DBT: variants seen among roughly 807,000 people sequenced by gnomAD.
The protein encoded by DBT is lipoamide acyltransferase component of branched-chain alpha-keto acid dehydrogenase complex, mitochondrial.
In DBT, 40 loss-of-function variants were observed where a neutral mutation model predicts 51.3. That is an observed-to-expected ratio of 0.78 (90% CI 0.61 to 1.02). The LOEUF is 1.02. Ranked by LOEUF, DBT falls within the 50% of genes least tolerant of loss-of-function variation. The probability of loss-of-function intolerance (pLI) is 0.00; values close to 1 mark genes in which losing one functional copy is unlikely to be tolerated. For synonymous variants in DBT, 181 were observed against 190.4 expected (o/e 0.95, Z 0.41); for missense variants, 510 against 580.2 (o/e 0.88, Z 1.24).
chr1:100,226,341 T>C (rs1332680203), intron 4 of DBT, among the ~76,000 whole-genome samples: 1 of 144,910 alleles, frequency 6.9e-6, no homozygotes, highest in Non-Finnish European at 1.5e-5. Context: ...TAGAGTGCAG[T>C]GGCATTAACA....
intron 4 of DBT, among the ~76,000 whole-genome samples, chr1:100,225,543 C>T (rs1663145851): frequency 6.6e-6 from 1 of 151,848 alleles, no homozygotes; most frequent in South Asian, 2.1e-4. Context: ...ACAAAACCAG[C>T]ACCAGGTGTG....
At chr1:100,216,797 A>G (rs1055334372) in intron 5 of DBT, among the ~76,000 whole-genome samples, 10 of 152,146 alleles carry the variant, frequency 6.6e-5, no homozygotes, top group African/African-American at 2.4e-4. Flanking sequence ...CAAATTAGTT[A>G]TTTTTCTGGT....
At chr1:100,233,893 G>T (rs1663699684) in intron 3 of DBT, among the ~76,000 whole-genome samples, 1 of 152,212 alleles carries the variant, frequency 6.6e-6, no homozygotes, top group Non-Finnish European at 1.5e-5. Flanking sequence ...TAAGGAAGAG[G>T]AACAGCCTAC....
At chr1:100,235,552 C>G (rs1210444346) in intron 2 of DBT, 41 bp from the exon 3 acceptor site, 2 of 1,048,134 alleles carry the variant, frequency 1.9e-6, no homozygotes, top group Admixed American at 3.4e-5. Flanking sequence ...AAGTATATAA[C>G]ATATTACTAA....
chr1:100,213,301 C>T, intron 7 of DBT: 11 of 1,475,794 alleles, frequency 7.5e-6, no homozygotes, highest in Non-Finnish European at 9.8e-6. Context: ...CCATGGACCA[C>T]AAGACTCTGC....
chr1:100,213,303 A>G, intron 7 of DBT: 3 of 1,478,466 alleles, frequency 2.0e-6, no homozygotes, highest in South Asian at 1.3e-5. Context: ...ATGGACCACA[A>G]GACTCTGCTG....
In DBT at chr1:100,249,832, A is replaced by G; in HGVS notation, c.-12T>C. 1.2e-6 allele frequency: 2 copies of G among 1,614,076 alleles called. No homozygotes were observed. Among genetic ancestry groups the G allele is most frequent in the Non-Finnish European group, 1.7e-6 (2 of 1,179,920 alleles). On this transcript the variant is annotated 5_prime_UTR_variant, in exon 1 of 11. Coordinates refer to ENST00000370132, the MANE Select transcript of DBT (RefSeq NM_001918.5). ...CGGACTGCAGCCATCTTACCCCGGAAATGACAACAGTGCCGCAAACTGGAG... is the reference window on the plus strand; with the variant it reads ...CGGACTGCAGCCATCTTACCCCGGAGATGACAACAGTGCCGCAAACTGGAG...
At position 100,202,275 on chromosome 1, in the gene DBT, A is replaced by G. The variant is rs185010946; in HGVS notation, c.1281+3955T>C. On this transcript the variant is annotated intron_variant, in intron 10 of 10. Transcript: ENST00000370132. ...AGGGGTTGCAATCCTAGTCTCTGATAAAACAGACTTTAAACCAACAAAGAT... is the reference window on the plus strand; with the variant it reads ...AGGGGTTGCAATCCTAGTCTCTGATGAAACAGACTTTAAACCAACAAAGAT... 6.7e-4 allele frequency among the ~76,000 whole-genome samples: 102 copies of G among 152,340 alleles called. 1 individual carries two copies. The highest frequency in any genetic ancestry group is 2.4e-3 in the African/African-American group (99 of 41,576).
intron 4 of DBT, among the ~76,000 whole-genome samples, chr1:100,219,582 C>T (rs941445293): frequency 1.3e-5 from 2 of 151,738 alleles, no homozygotes; most frequent in African/African-American, 4.8e-5. Context: ...CCTATCTCTA[C>T]AAGTGAATTT....
intron 7 of DBT, 58 bp from the exon 8 acceptor site, chr1:100,210,829 T>A: frequency 6.2e-7 from 1 of 1,601,526 alleles, no homozygotes; most frequent in Non-Finnish European, 8.6e-7. Flanking sequence ...GGATAGAGAA[T>A]TTGAAACAAT....
intron 4 of DBT, among the ~76,000 whole-genome samples, chr1:100,225,052 T>TATATACAC (rs1185819980): frequency 3.8e-5 from 3 of 79,034 alleles, no homozygotes; most frequent in African/African-American, 1.5e-4. Flanking sequence ...AATATATATA[T>TATATACAC]ACACACACAC....
At position 100,189,500 on chromosome 1, in the gene DBT, G is replaced by T. The variant is rs1442989805; in HGVS notation, c.*6755C>A. ...CTGAGTCATTTGATGACCTTGAAATGCTAAAGCATTGGAATGAATGTCTGT... is the reference window on the plus strand; with the variant it reads ...CTGAGTCATTTGATGACCTTGAAATTCTAAAGCATTGGAATGAATGTCTGT... On this transcript the variant is annotated 3_prime_UTR_variant, in exon 11 of 11. Coordinates refer to ENST00000370132, the MANE Select transcript of DBT (RefSeq NM_001918.5). 1 of 152,170 alleles carries T rather than the reference G, an allele frequency of 6.6e-6. No individual in the cohort carries two copies. The highest frequency in any genetic ancestry group is 2.4e-5 in the African/African-American group (1 of 41,416). The allele number at this position is 152,170 out of a possible 1,614,324, so 9.4% of individuals were successfully genotyped here.
Position 100,188,173 on chromosome 1 carries a change from T to C in DBT, c.*8082A>G, listed in dbSNP as rs1660655672. The C allele has an allele frequency of 6.6e-6, 1 of 152,238 alleles. No homozygotes were observed. Among genetic ancestry groups the C allele is most frequent in the South Asian group, 2.1e-4 (1 of 4,828 alleles). 9.4% of individuals were successfully genotyped at this position (152,238 alleles called of 1,614,324 possible). A position where few individuals can be genotyped will look rare whatever the true frequency, so the allele number is the denominator to read the frequency against. Reference sequence around the variant, plus strand: ...CCTTTGGTTTGCAGAGTTGTTAGCGTAGTGGCTCGGCTCATCAGCTCTGAG... The same window carrying C: ...CCTTTGGTTTGCAGAGTTGTTAGCGCAGTGGCTCGGCTCATCAGCTCTGAG... On this transcript the variant is annotated 3_prime_UTR_variant, in exon 11 of 11. Transcript: ENST00000370132.
intron 2 of DBT, 94 bp downstream of exon 2, chr1:100,240,667 T>G (rs1664162045): frequency 7.4e-6 from 8 of 1,073,916 alleles, no homozygotes; most frequent in Non-Finnish European, 1.1e-5. Context: ...GTCAACTTTT[T>G]TTTGTTTAAA....
In DBT at chr1:100,206,267, G is replaced by A. The variant is rs969266457; in HGVS notation, c.1244C>T (p.Pro415Leu). 3 of 1,612,332 alleles carry A rather than the reference G, an allele frequency of 1.9e-6. No individual in the cohort carries two copies. Among genetic ancestry groups the A allele is most frequent in the Admixed American group, 3.3e-5 (2 of 59,838 alleles). ...GGTFAKPVIM[P>L]PEVAIGALGS... is the part of the protein sequence containing the mutation. ...AAGGGCCCCAATGGCTACTTCAGGT[G>A]GCATTATCACTGGTTTGGCAAAGGT... Residue 415 changes from proline to leucine, a missense_variant, in exon 10 of 11, where the codon CCA becomes CTA. By Grantham distance (98) the Pro-to-Leu change is moderately conservative (BLOSUM62 -3). Transcript: ENST00000370132.
At chr1:100,216,648 C>T (rs994042777) in intron 5 of DBT, among the ~76,000 whole-genome samples, 1 of 152,140 alleles carries the variant, frequency 6.6e-6, no homozygotes, top group East Asian at 1.9e-4. Context: ...CTTTTCTATT[C>T]TTGGGGACTA....
At chr1:100,234,041 A>AC (rs1663711461) in intron 3 of DBT, among the ~76,000 whole-genome samples, 1 of 152,204 alleles carries the variant, frequency 6.6e-6, no homozygotes, top group Non-Finnish European at 1.5e-5. Context: ...TCTTTGAATA[A>AC]ATTTTGCTTC....
At chr1:100,216,803 C>G (rs918074872) in intron 5 of DBT, among the ~76,000 whole-genome samples, 1 of 152,120 alleles carries the variant, frequency 6.6e-6, no homozygotes, top group African/African-American at 2.4e-5. Context: ...AGTTATTTTT[C>G]TGGTAGTTGC....
chr1:100,239,618 C>A (rs2100842244), intron 2 of DBT, among the ~76,000 whole-genome samples: 1 of 151,922 alleles, frequency 6.6e-6, no homozygotes, highest in South Asian at 2.1e-4. Flanking sequence ...TGCCTGTAAT[C>A]CCAGCCCTTC....
Sources: allele counts gnomAD v4.1 joint callset (sites outside exome capture counted in the v4.1 genomes callset), GRCh38; gene constraint gnomAD v4.1.1; transcripts MANE v1.5; gene names NCBI Gene and HGNC (gene_info 2026-07-23, HGNC 2026-07-21).